MTCL1: variants seen among roughly 807,000 people sequenced by gnomAD.
MTCL1 encodes microtubule crosslinking factor 1.
In MTCL1, 79 loss-of-function variants were observed where a neutral mutation model predicts 141.4. The observed-to-expected ratio is 0.56, with a 90% CI of 0.47 to 0.67. The LOEUF (loss-of-function observed/expected upper bound fraction) is 0.67. MTCL1 is among the 30% of genes least tolerant of loss of function. MTCL1 has a pLI of 0.00. For missense variants in MTCL1, 2,177 were observed against 2,113.9 expected (o/e 1.03, Z -0.59); for synonymous variants, 914 against 875.8 (o/e 1.04, Z -0.77).
At chr18:8,720,265 G>A in intron 3 of MTCL1, 73 bp from the exon 3 acceptor site, 1 of 1,469,580 alleles carries the variant, frequency 6.8e-7, no homozygotes, top group African/African-American at 1.4e-5. Context: ...TTTTGCCTCT[G>A]ATGTTGTCTG....
intron 14 of MTCL1, among the ~76,000 whole-genome samples, chr18:8,823,413 C>A (rs1251142039): frequency 1.3e-5 from 2 of 152,148 alleles, no homozygotes; most frequent in Non-Finnish European, 2.9e-5. Flanking sequence ...TGGAAAGGAC[C>A]AGGGTGTTGG....
chr18:8,772,749 ATTTTC>A, intron 4 of MTCL1, among the ~76,000 whole-genome samples: 1 of 152,028 alleles, frequency 6.6e-6, no homozygotes, highest in African/African-American at 2.4e-5. Flanking sequence ...TGTAACCTGT[ATTTTC>A]TTTATAGTGT....
chr18:8,825,237 C>A (rs755533008), exon 15 of MTCL1: 2 of 1,596,348 alleles, frequency 1.3e-6, no homozygotes, highest in South Asian at 2.3e-5. Flanking sequence ...TTGCACCTCC[C>A]CCAGGCACTC....
rs938880582 is a variant in MTCL1 at position 8,710,535 on chromosome 18, A to G, written c.1053+3822A>G. Among the ~76,000 whole-genome samples the G allele has an allele frequency of 4.0e-5, 6 of 150,430 alleles. No homozygotes were observed. In the East Asian group the frequency reaches 9.7e-4, roughly 24 times the overall value. On this transcript the variant is annotated intron_variant, in intron 1 of 13. Coordinates refer to the MTCL1 transcript ENST00000306329. ...CTTATAAAATAATTACAGCCTTAATAGAAACAAAACTGTTGAAAGTGTACC... is the reference window on the plus strand; with the variant it reads ...CTTATAAAATAATTACAGCCTTAATGGAAACAAAACTGTTGAAAGTGTACC...
chr18:8,710,457 C>CTTTTTTTTTTTTTTTTTTTTTTTTTTTTT (rs59830434), intron 1 of MTCL1, among the ~76,000 whole-genome samples: 3 of 121,818 alleles, frequency 2.5e-5, no homozygotes, highest in African/African-American at 3.2e-5. Context: ...CAGGCACTTT[C>CTTTTTTTTTTTTTTTTTTTTTTTTTTTTT]TTTTTTTTTT....
chr18:8,792,223 C>T (rs1220506337), intron 7 of MTCL1, among the ~76,000 whole-genome samples: 1 of 152,186 alleles, frequency 6.6e-6, no homozygotes, highest in Non-Finnish European at 1.5e-5. Flanking sequence ...TTCGATGATG[C>T]CTGAGATTTT....
exon 1 of MTCL1, chr18:8,706,064 T>C (rs2096057623): frequency 3.4e-6 from 4 of 1,191,046 alleles, no homozygotes; most frequent in Admixed American, 9.0e-5. Context: ...GCGGCGCGCG[T>C]GGCGCCCGCG....
At chr18:8,709,278 G>C (rs1433468492) in intron 1 of MTCL1, among the ~76,000 whole-genome samples, 1 of 151,756 alleles carries the variant, frequency 6.6e-6, no homozygotes, top group Admixed American at 6.6e-5. Flanking sequence ...CTACAACCTT[G>C]AACCCGTGGG....
rs765979314 is a variant in MTCL1 at position 8,819,006 on chromosome 18, G to A, written c.2903G>A (p.Cys968Tyr). 4.8e-5 allele frequency: 78 copies of A among 1,614,194 alleles called. No homozygotes were observed. The South Asian group carries it at 6.7e-4, about 14-fold the overall frequency. Reference sequence around the variant, plus strand: ...CCCCGGAGAGGTGGCAGTTTCCTCTGTGATCAAAAAGACGGCAACGTTCGC... The same window carrying A: ...CCCCGGAGAGGTGGCAGTTTCCTCTATGATCAAAAAGACGGCAACGTTCGC... The change falls in exon 13 of 17, where the codon TGT becomes TAT. Residue 968 changes from cysteine to tyrosine, a missense_variant. Cys to Tyr is a radical substitution (Grantham distance 194, BLOSUM62 -2). Coordinates refer to ENST00000359865, the Ensembl canonical transcript of MTCL1.
intron 12 of MTCL1, among the ~76,000 whole-genome samples, chr18:8,813,938 T>A (rs1048215998): frequency 3.3e-5 from 5 of 152,210 alleles, no homozygotes; most frequent in Admixed American, 1.3e-4. Context: ...CAAATTAAAT[T>A]GATGAAGATT....
At chr18:8,778,188 G>C (rs1568014107) in intron 5 of MTCL1, among the ~76,000 whole-genome samples, 1 of 152,142 alleles carries the variant, frequency 6.6e-6, no homozygotes, top group African/African-American at 2.4e-5. Context: ...ACTTATAAAT[G>C]GTAAAAAGTG....
intron 7 of MTCL1, 156 bp downstream of exon 6, chr18:8,786,247 T>C: frequency 1.1e-6 from 1 of 869,720 alleles, no homozygotes; most frequent in South Asian, 1.4e-5. Context: ...ACCCATTTTG[T>C]GGCACTGGGA....
At chr18:8,784,092 G>C in exon 6 of MTCL1, 7 of 1,613,392 alleles carry the variant, frequency 4.3e-6, no homozygotes, top group Non-Finnish European at 5.9e-6. Flanking sequence ...GCAAGTCCTG[G>C]TGCCGGGGGT....
intron 4 of MTCL1, among the ~76,000 whole-genome samples, chr18:8,761,193 G>A (rs563096396): frequency 6.6e-6 from 1 of 152,184 alleles, no homozygotes; most frequent in East Asian, 1.9e-4. Flanking sequence ...AGAATATATA[G>A]GGCTGTTCAC....
chr18:8,799,086 G>A (rs1299131613), intron 10 of MTCL1, among the ~76,000 whole-genome samples: 1 of 152,204 alleles, frequency 6.6e-6, no homozygotes, highest in Non-Finnish European at 1.5e-5. Flanking sequence ...AGGGCTGAGG[G>A]CGCAGGGGCA....
At chr18:8,784,721 G>T (rs749138573) in exon 6 of MTCL1, 2 of 1,614,090 alleles carry the variant, frequency 1.2e-6, no homozygotes, top group Admixed American at 3.3e-5. Flanking sequence ...GAACCGCATT[G>T]GGGATGGCCT....
At chr18:8,829,685 T>C (rs777657524) in intron 16 of MTCL1, 1 of 985,364 alleles carries the variant, frequency 1.0e-6, no homozygotes, top group Non-Finnish European at 1.2e-6. Context: ...CAGTAGTATC[T>C]GTTGTCAAAT....
intron 1 of MTCL1, among the ~76,000 whole-genome samples, chr18:8,707,790 G>T (rs768201890): frequency 6.6e-6 from 1 of 151,896 alleles, no homozygotes; most frequent in Non-Finnish European, 1.5e-5. Flanking sequence ...CCAGTTTTTG[G>T]CTAGTGAGAT....
intron 7 of MTCL1, among the ~76,000 whole-genome samples, chr18:8,792,224 C>T (rs2075754915): frequency 6.6e-6 from 1 of 152,208 alleles, no homozygotes; most frequent in African/African-American, 2.4e-5. Flanking sequence ...TCGATGATGC[C>T]TGAGATTTTT....
Sources: gnomAD v4.1 joint callset for allele counts (sites outside exome capture counted in the v4.1 genomes callset) on GRCh38, gnomAD v4.1.1 for gene constraint, MANE v1.5 for transcripts, NCBI Gene and HGNC (gene_info 2026-07-23, HGNC 2026-07-21) for gene names.